The following CTBP2 variants were observed in gnomAD, a reference collection of about 807,000 sequenced individuals.
CTBP2 encodes C-terminal-binding protein 2.
Under a neutral mutation model 80.3 loss-of-function variants are expected in CTBP2, and 30 were observed. The ratio of observed to expected loss-of-function variants is 0.37; its 90% CI spans 0.28 to 0.51. The LOEUF (loss-of-function observed/expected upper bound fraction) is 0.51, where lower values mean the gene tolerates loss of function less well. CTBP2 is among the 20% of genes least tolerant of loss of function. The pLI is 0.93. For synonymous variants in CTBP2, 594 were observed against 587.4 expected (o/e 1.01, Z -0.16); for missense variants, 1,212 against 1,375.3 (o/e 0.88, Z 1.88).
Position 124,989,340 on chromosome 10 carries a change from G to C in CTBP2, c.*178C>G, listed in dbSNP as rs1015175770. The C allele has an allele frequency of 9.8e-6, 7 of 712,280 alleles. No homozygotes were observed. Among genetic ancestry groups the C allele is most frequent in the Non-Finnish European group, 1.7e-5 (7 of 411,794 alleles). 44.1% of individuals were successfully genotyped at this position (712,280 alleles called of 1,614,324 possible). On this transcript the variant is annotated 3_prime_UTR_variant, in exon 9 of 9. Transcript: ENST00000309035. ...CACATCCTAGTCTTTCAGCGCTTCC[G>C]TAAGCAGACGACATCTTCAGTTTTC...
rs1954806500 is a variant in CTBP2 at position 125,003,416 on chromosome 10, A to G, written c.1755T>C (p.Thr585=). The change falls in exon 2 of 9, where the codon ACT becomes ACC. Residue 585 remains threonine (T), a synonymous_variant. Transcript: ENST00000309035. The stretch of plus-strand genomic sequence containing the variant: ...GGTCCTTCAGGATGGGCATCTCCAC[A>G]GTGCAGTCGCGGCCGTCCAGCAGCG... 1 of 1,595,470 alleles carries G rather than the reference A, an allele frequency of 6.3e-7. No homozygotes were observed. The highest frequency in any genetic ancestry group is 8.5e-7 in the Non-Finnish European group (1 of 1,174,656).
chr10:125,098,416 C>T (rs1266704225), intron 2 of CTBP2, among the ~76,000 whole-genome samples: 2 of 152,050 alleles, frequency 1.3e-5, no homozygotes, highest in Admixed American at 6.6e-5. Flanking sequence ...AGAGAATACA[C>T]GGTACCCAGC....
intron 1 of CTBP2, among the ~76,000 whole-genome samples, chr10:125,127,827 C>G (rs1855519862): frequency 6.6e-6 from 1 of 152,214 alleles, no homozygotes; most frequent in African/African-American, 2.4e-5. Context: ...TTATCTGTTA[C>G]AGCAACTGTC....
intron 2 of CTBP2, among the ~76,000 whole-genome samples, chr10:125,049,242 C>A (rs577976980): frequency 6.6e-6 from 1 of 152,108 alleles, no homozygotes; most frequent in Admixed American, 6.5e-5. Context: ...TGCCCCACTA[C>A]GGGAGACAGA....
At chr10:125,141,700 C>T (rs1303862453) in intron 1 of CTBP2, among the ~76,000 whole-genome samples, 5 of 151,930 alleles carry the variant, frequency 3.3e-5, no homozygotes, top group Non-Finnish European at 2.9e-5. Context: ...AGTAAGCACA[C>T]GGTAAACACT....
chr10:124,984,827 T>C lies in CTBP2; in HGVS notation c.*4691A>G. ...TGCTCAGGGAGTGGCTGGACTGCTG[T>C]GTGACGGAGGGGGGAGTTCTGGTTG... On this transcript the variant is annotated 3_prime_UTR_variant, in exon 9 of 9. Transcript: ENST00000309035. 6.2e-7 allele frequency: 1 copy of C among 1,613,992 alleles called. No homozygotes were observed. Among genetic ancestry groups the C allele is most frequent in the Non-Finnish European group, 8.5e-7 (1 of 1,179,984 alleles).
chr10:124,995,892 C>T (rs2280617), intron 4 of CTBP2, among the ~76,000 whole-genome samples: 2,639 of 152,116 alleles, frequency 0.017, 87 homozygotes, highest in African/African-American at 0.061. Flanking sequence ...TGCCTTCCCC[C>T]GTTCCTGCAG....
intron 2 of CTBP2, among the ~76,000 whole-genome samples, chr10:125,078,515 C>CTT (rs71029237): frequency 0.012 from 1,786 of 146,896 alleles, 38 homozygotes; most frequent in African/African-American, 0.041. Flanking sequence ...CTTCCACAGC[C>CTT]TTTTTTTTTT....
chr10:124,996,308 AC>A (rs1295012235), intron 4 of CTBP2: 5 of 149,916 alleles, frequency 3.3e-5, no homozygotes, highest in African/African-American at 4.9e-5. Context: ...GCACCGTCCC[AC>A]CCCGCCTGCT....
intron 1 of CTBP2, among the ~76,000 whole-genome samples, chr10:125,118,039 A>G (rs1853630713): frequency 6.6e-6 from 1 of 152,388 alleles, no homozygotes; most frequent in South Asian, 2.1e-4. Context: ...AAAAGGCCCA[A>G]CAGCCAAGAT....
intron 2 of CTBP2, among the ~76,000 whole-genome samples, chr10:125,054,015 A>C (rs757637743): frequency 5.9e-5 from 9 of 152,154 alleles, no homozygotes; most frequent in South Asian, 2.1e-4. Flanking sequence ...CACCGGTGAC[A>C]CAGGCGTGCC....
chr10:125,074,606 A>G (rs543268729), intron 2 of CTBP2, among the ~76,000 whole-genome samples: 3 of 152,334 alleles, frequency 2.0e-5, no homozygotes, highest in East Asian at 1.9e-4. Context: ...TCGGCCTCCC[A>G]AAGTGCTGGG....
intron 7 of CTBP2, 119 bp from the exon 10 acceptor site, chr10:124,992,931 A>T (rs1213568758): frequency 5.5e-6 from 5 of 912,342 alleles, no homozygotes; most frequent in Non-Finnish European, 8.3e-6. Context: ...GAACATCCAA[A>T]GGCCCAAGTG....
At chr10:125,141,331 G>C (rs146423712) in intron 1 of CTBP2, among the ~76,000 whole-genome samples, 2 of 152,206 alleles carry the variant, frequency 1.3e-5, no homozygotes, top group East Asian at 3.9e-4. Flanking sequence ...CGTCCTATTT[G>C]ACGCATAAGG....
At chr10:125,055,438 G>A (rs116401725) in intron 2 of CTBP2, among the ~76,000 whole-genome samples, 2,315 of 152,230 alleles carry the variant, frequency 0.015, 47 homozygotes, top group African/African-American at 0.053. Flanking sequence ...GGCATTTCTG[G>A]AGCCTTCTGA....
intron 1 of CTBP2, among the ~76,000 whole-genome samples, chr10:125,005,054 G>A (rs11818294): frequency 7.2e-5 from 11 of 152,328 alleles, no homozygotes; most frequent in African/African-American, 2.6e-4. Flanking sequence ...GCTCGGAGAC[G>A]AGGAAGGAAA....
At chr10:125,005,572 A>G (rs1235720631) in intron 1 of CTBP2, 2 of 1,612,010 alleles carry the variant, frequency 1.2e-6, no homozygotes, top group South Asian at 2.2e-5. Context: ...ATGAGTGGAC[A>G]GGAAGCGTGC....
chr10:125,023,189 C>A (rs1445570971), intron 1 of CTBP2, among the ~76,000 whole-genome samples: 1 of 152,164 alleles, frequency 6.6e-6, no homozygotes, highest in Non-Finnish European at 1.5e-5. Context: ...TCACATGTGC[C>A]CCCATTAATC....
chr10:125,039,582 G>A (rs1030976537), intron 2 of CTBP2, among the ~76,000 whole-genome samples: 1 of 152,246 alleles, frequency 6.6e-6, no homozygotes, highest in African/African-American at 2.4e-5. Flanking sequence ...GAGGGGCTCT[G>A]CGAAGGCCTG....
Sources: gnomAD v4.1 joint callset for allele counts (sites outside exome capture counted in the v4.1 genomes callset) on GRCh38, gnomAD v4.1.1 for gene constraint, MANE v1.5 for transcripts, NCBI Gene and HGNC (gene_info 2026-07-23, HGNC 2026-07-21) for gene names.